The following BIRC6 variants were observed in gnomAD, a reference collection of about 807,000 sequenced individuals.
BIRC6 encodes dual E2 ubiquitin-conjugating enzyme/E3 ubiquitin-protein ligase BIRC6.
A neutral mutation model predicts 503.3 loss-of-function variants in BIRC6; 98 were observed. The ratio of observed to expected loss-of-function variants is 0.19; its 90% CI spans 0.17 to 0.23. The LOEUF is 0.23. BIRC6 is among the 10% of genes least tolerant of loss of function. BIRC6 has a pLI of 1.00. For synonymous variants in BIRC6, 2,240 were observed against 2,078.7 expected, an observed-to-expected ratio of 1.08 and a Z score of -2.11; for missense variants, 5,360 against 5,806.0, an observed-to-expected ratio of 0.92 and a Z score of 2.50.
At chr2:32,582,074 G>A (rs2060711725) in intron 66 of BIRC6, among the ~76,000 whole-genome samples, 1 of 152,082 alleles carries the variant, frequency 6.6e-6, no homozygotes, top group African/African-American at 2.4e-5. Context: ...GGCCAAGCTG[G>A]TCTTGAACTC....
At chr2:32,381,631 C>T (rs909631377) in intron 3 of BIRC6, among the ~76,000 whole-genome samples, 4 of 149,194 alleles carry the variant, frequency 2.7e-5, no homozygotes, top group African/African-American at 7.4e-5. Context: ...CTGCAACCTC[C>T]GCCTCGTGGA....
At chr2:32,418,023 G>A (rs549903777) in intron 10 of BIRC6, among the ~76,000 whole-genome samples, 6 of 152,242 alleles carry the variant, frequency 3.9e-5, no homozygotes, top group African/African-American at 7.2e-5. Context: ...CGAGCGATCC[G>A]TCTGCCTTGG....
At chr2:32,456,290 CCTT>C (rs1388869046) in intron 23 of BIRC6, among the ~76,000 whole-genome samples, 6 of 152,114 alleles carry the variant, frequency 3.9e-5, no homozygotes, top group Non-Finnish European at 8.8e-5. Flanking sequence ...ATTTGGTTTG[CCTT>C]CTTTTCAATC....
At chr2:32,537,689 G>A (rs1263838308) in intron 61 of BIRC6, among the ~76,000 whole-genome samples, 4 of 152,114 alleles carry the variant, frequency 2.6e-5, no homozygotes, top group East Asian at 3.9e-4. Context: ...TATTTAGGCC[G>A]GGCGCAGTGG....
At chr2:32,379,372 G>A (rs1478817167) in intron 2 of BIRC6, 1 of 152,144 alleles carries the variant, frequency 6.6e-6, no homozygotes, top group Non-Finnish European at 1.5e-5. Flanking sequence ...ACTATGTTTA[G>A]GTTTAACAAA....
chr2:32,489,126 T>C (rs2051369723), intron 42 of BIRC6, among the ~76,000 whole-genome samples: 1 of 152,138 alleles, frequency 6.6e-6, no homozygotes, highest in East Asian at 1.9e-4. Context: ...TGTGTGTGTT[T>C]CTTGGCAAAA....
chr2:32,508,605 T>C (rs1201367814), intron 51 of BIRC6, among the ~76,000 whole-genome samples: 1 of 152,086 alleles, frequency 6.6e-6, no homozygotes, highest in Non-Finnish European at 1.5e-5. Flanking sequence ...ATCTGAACCA[T>C]ACCAACTGAC....
chr2:32,541,918 C>T (rs186967635), intron 61 of BIRC6, among the ~76,000 whole-genome samples: 10 of 152,152 alleles, frequency 6.6e-5, no homozygotes, highest in African/African-American at 2.4e-4. Context: ...CAGCTTTTGC[C>T]TGTCCTTCTA....
In BIRC6 at chr2:32,388,904, G is replaced by C; in HGVS notation, c.800G>C (p.Arg267Pro). The change falls in exon 4 of 74, where the codon CGT (arginine) becomes CCT (proline). Residue 267 changes from arginine to proline, a missense_variant. This residue lies in a region of BIRC6 where 134 missense variants were observed against 150.9 expected (regional missense o/e 0.89). Coordinates refer to ENST00000421745, the MANE Select transcript of BIRC6 (RefSeq NM_016252.4). ...TTGTCTTACCTCTTACCTAGTGCAC[G>C]TCCAGAACTCGGAGTGGGGCCAGGC... Reference protein sequence around the residue: ...DRLSYLLPSARPELGVGPGRS... With the variant: ...DRLSYLLPSAPPELGVGPGRS... 1 of 1,606,598 alleles carries C rather than the reference G, an allele frequency of 6.2e-7. No individual in the cohort carries two copies. Among genetic ancestry groups the C allele is most frequent in the Non-Finnish European group, 8.5e-7 (1 of 1,177,300 alleles).
intron 12 of BIRC6, among the ~76,000 whole-genome samples, chr2:32,431,539 T>C (rs772678098): frequency 6.1e-4 from 93 of 152,302 alleles, no homozygotes; most frequent in Non-Finnish European, 1.2e-3. Flanking sequence ...GTAATATACT[T>C]AGGAATTCTG....
intron 69 of BIRC6, 43 bp downstream of exon 69, chr2:32,598,011 G>A: frequency 6.8e-7 from 1 of 1,479,322 alleles, no homozygotes; most frequent in African/African-American, 1.4e-5. Flanking sequence ...TATCTCCTTG[G>A]CTCATCTAAT....
intron 60 of BIRC6, among the ~76,000 whole-genome samples, chr2:32,530,450 A>G (rs530043496): frequency 2.0e-5 from 3 of 152,260 alleles, no homozygotes; most frequent in South Asian, 4.2e-4. Flanking sequence ...ACCTCAACTT[A>G]TCTGCCCGCT....
chr2:32,383,675 G>T (rs776915455), intron 3 of BIRC6, among the ~76,000 whole-genome samples: 1 of 152,054 alleles, frequency 6.6e-6, no homozygotes, highest in Non-Finnish European at 1.5e-5. Context: ...GGGACTATAG[G>T]CACGGGCCAC....
At chr2:32,478,486 TCCA>T in intron 35 of BIRC6, 146 bp from the exon 36 acceptor site, 1 of 534,182 alleles carries the variant, frequency 1.9e-6, no homozygotes. Flanking sequence ...TTTTTTGCAT[TCCA>T]TCTCAAGCAA....
At chr2:32,410,258 G>A (rs941653204) in intron 9 of BIRC6, among the ~76,000 whole-genome samples, 1 of 151,948 alleles carries the variant, frequency 6.6e-6, no homozygotes, top group African/African-American at 2.4e-5. Flanking sequence ...AGTTGATCGC[G>A]CCACTGCACT....
chr2:32,481,580 C>A, intron 38 of BIRC6, 127 bp downstream of exon 38: 1 of 692,234 alleles, frequency 1.4e-6, no homozygotes, highest in South Asian at 3.6e-5. Flanking sequence ...TCCTGGCCAA[C>A]ATAGTGAAAT....
At position 32,377,574 on chromosome 2, in the gene BIRC6, TG is replaced by T; in HGVS notation, c.326-13del. 1 of 1,587,316 alleles carries T rather than the reference TG, an allele frequency of 6.3e-7. No individual in the cohort carries two copies. The highest frequency in any genetic ancestry group is 8.6e-7 in the Non-Finnish European group (1 of 1,168,052). ...CTGAAAATCTTAAGTGTTGAATTTT[TG>T]TTCTTTTAACAGCTAAACCAGGTGG... On this transcript the variant is annotated splice_polypyrimidine_tract_variant and intron_variant, in intron 1 of 73. Transcript: ENST00000421745.
chr2:32,608,949 G>A (rs557921903), intron 72 of BIRC6, among the ~76,000 whole-genome samples: 2 of 151,766 alleles, frequency 1.3e-5, no homozygotes, highest in South Asian at 2.1e-4. Flanking sequence ...GCGGAATCTC[G>A]GCTTACTGCA....
At position 32,479,458 on chromosome 2, in the gene BIRC6, A is replaced by G; in HGVS notation, c.7253-4A>G. On this transcript the variant is annotated splice_region_variant and splice_polypyrimidine_tract_variant and intron_variant, in intron 36 of 73. Transcript: ENST00000421745. ...TTAAAACAGGACTATCCCCTTACATACAGGAGAATTACTGGCTCCAGTAGC... is the reference window on the plus strand; with the variant it reads ...TTAAAACAGGACTATCCCCTTACATGCAGGAGAATTACTGGCTCCAGTAGC... The G allele has an allele frequency of 1.3e-6, 2 of 1,593,944 alleles. No individual in the cohort carries two copies. The highest frequency in any genetic ancestry group is 8.6e-7 in the Non-Finnish European group (1 of 1,169,326).
Sources: allele counts gnomAD v4.1 joint callset (sites outside exome capture counted in the v4.1 genomes callset), GRCh38; gene constraint gnomAD v4.1.1; regional missense constraint gnomAD v4.1.1; transcripts MANE v1.5; gene names NCBI Gene and HGNC (gene_info 2026-07-23, HGNC 2026-07-21).